Variants in IL1RAPL1 observed in about 807,000 individuals in gnomAD.
IL1RAPL1 encodes interleukin-1 receptor accessory protein-like 1.
Under a neutral mutation model 48.4 loss-of-function variants are expected in IL1RAPL1, and 3 were observed. The observed-to-expected ratio is 0.06, with a 90% CI of 0.03 to 0.16. The LOEUF is 0.16. Ranked by LOEUF, IL1RAPL1 falls within the 10% of genes least tolerant of loss-of-function variation. The pLI, the probability that IL1RAPL1 is intolerant of heterozygous loss-of-function variation, is 1.00. For synonymous variants in IL1RAPL1, 185 were observed against 187.7 expected (o/e 0.99, Z 0.12); for missense variants, 349 against 530.6 (o/e 0.66, Z 3.36).
intron 6 of IL1RAPL1, among the ~76,000 whole-genome samples, chrX:29,753,178 A>G (rs1395773116): frequency 8.9e-6 from 1 of 112,336 alleles, no homozygotes; most frequent in South Asian, 3.7e-4. Context: ...TAATTTAATT[A>G]TATCAGTCAA....
At chrX:29,067,049 T>A (rs1234065697) in intron 2 of IL1RAPL1, among the ~76,000 whole-genome samples, 2 of 111,733 alleles carry the variant, frequency 1.8e-5, no homozygotes, top group Non-Finnish European at 1.9e-5. Context: ...CTTCATTTGC[T>A]GCTTGCCCTT....
chrX:28,822,790 G>A (rs1936950822), intron 2 of IL1RAPL1, among the ~76,000 whole-genome samples: 2 of 111,972 alleles, frequency 1.8e-5, no homozygotes, highest in African/African-American at 3.2e-5. Flanking sequence ...AGGGATGGAA[G>A]GGGTGTACCC....
At chrX:28,742,205 A>G (rs952175089) in intron 1 of IL1RAPL1, among the ~76,000 whole-genome samples, 4 of 111,346 alleles carry the variant, frequency 3.6e-5, no homozygotes, top group African/African-American at 1.3e-4. Flanking sequence ...ACTAAGATTT[A>G]TGGACCAAAC....
chrX:29,271,948 G>A (rs1357835337), intron 2 of IL1RAPL1, among the ~76,000 whole-genome samples: 1 of 111,362 alleles, frequency 9.0e-6, no homozygotes, highest in Non-Finnish European at 1.9e-5. Context: ...TGTTGCATTT[G>A]CTTTTGGTGT....
intron 2 of IL1RAPL1, among the ~76,000 whole-genome samples, chrX:29,095,655 AAATCAGCT>A (rs1180065083): frequency 8.9e-6 from 1 of 111,848 alleles, no homozygotes; most frequent in East Asian, 2.8e-4. Context: ...GGGTAGAAAT[AAATCAGCT>A]ATCACTTATG....
chrX:29,047,727 C>CT (rs1285042635), intron 2 of IL1RAPL1, among the ~76,000 whole-genome samples: 1 of 56,958 alleles, frequency 1.8e-5, no homozygotes, highest in African/African-American at 1.4e-4. Context: ...ATAAATTCAA[C>CT]CTTTTTTTTT....
intron 2 of IL1RAPL1, among the ~76,000 whole-genome samples, chrX:28,968,673 T>C (rs998840226): frequency 1.4e-4 from 16 of 112,665 alleles, no homozygotes; most frequent in African/African-American, 5.2e-4. Flanking sequence ...ATAATAAATA[T>C]GGAAGCAATG....
intron 3 of IL1RAPL1, among the ~76,000 whole-genome samples, chrX:29,379,988 C>T (rs1012072545): frequency 5.4e-5 from 6 of 110,909 alleles, no homozygotes; most frequent in African/African-American, 2.0e-4. Context: ...TTTTTAGCTT[C>T]CACATACATG....
Position 28,873,687 on chromosome X carries a change from A to G in IL1RAPL1, c.82+84262A>G, listed in dbSNP as rs758276863. Among the ~76,000 whole-genome samples, 40 of 106,910 alleles carry G rather than the reference A, an allele frequency of 3.7e-4. No homozygotes were observed. In the East Asian group the frequency reaches 8.6e-3, roughly 23 times the overall value. The allele number at this position is 106,910 out of a possible 115,157, so 92.8% of individuals were successfully genotyped here. A position where few individuals can be genotyped will look rare whatever the true frequency, so the allele number is the denominator to read the frequency against. ...GCTGGGACTACAGGAGCCCGCCACC[A>G]CAGCCGGCTAATTTTTTGTATTTTT... On this transcript the variant is annotated intron_variant, in intron 2 of 10. Coordinates refer to ENST00000378993, the MANE Select transcript of IL1RAPL1 (RefSeq NM_014271.4).
chrX:29,249,277 G>A (rs1341257318), intron 2 of IL1RAPL1, among the ~76,000 whole-genome samples: 1 of 111,641 alleles, frequency 9.0e-6, no homozygotes, highest in Non-Finnish European at 1.9e-5. Flanking sequence ...AAACTAAAGG[G>A]ATTAGAGGAA....
chrX:28,874,306 A>G (rs1306091290), intron 2 of IL1RAPL1, among the ~76,000 whole-genome samples: 1 of 112,406 alleles, frequency 8.9e-6, no homozygotes, highest in African/African-American at 3.2e-5. Context: ...ATAGCATAGC[A>G]TTAAGCCTGA....
At chrX:29,235,792 G>A (rs1167262551) in intron 2 of IL1RAPL1, among the ~76,000 whole-genome samples, 3 of 112,229 alleles carry the variant, frequency 2.7e-5, no homozygotes, top group Non-Finnish European at 5.6e-5. Context: ...AAATGCTATA[G>A]CATAAGGAAG....
intron 3 of IL1RAPL1, among the ~76,000 whole-genome samples, chrX:29,321,365 T>C (rs932580167): frequency 3.6e-5 from 4 of 112,098 alleles, no homozygotes; most frequent in African/African-American, 1.3e-4. Flanking sequence ...TAGGAGCTCA[T>C]TTCTAGCTAA....
chrX:29,729,295 G>A (rs935505704), intron 6 of IL1RAPL1, among the ~76,000 whole-genome samples: 2 of 110,907 alleles, frequency 1.8e-5, no homozygotes, highest in African/African-American at 3.3e-5. Flanking sequence ...ATGCCACCCC[G>A]ACCTGGTGGC....
chrX:29,052,206 C>T, intron 2 of IL1RAPL1, among the ~76,000 whole-genome samples: 1 of 111,461 alleles, frequency 9.0e-6, no homozygotes, highest in Middle Eastern at 4.7e-3. Flanking sequence ...TCTGTTAAAC[C>T]TGCTTTTCTT....
At chrX:29,652,314 C>T (rs1460004918) in intron 5 of IL1RAPL1, among the ~76,000 whole-genome samples, 1 of 111,527 alleles carries the variant, frequency 9.0e-6, no homozygotes, top group East Asian at 2.8e-4. Flanking sequence ...CTCTTAAAGG[C>T]GGGACAGAGG....
intron 1 of IL1RAPL1, among the ~76,000 whole-genome samples, chrX:28,633,758 A>G (rs1372585328): frequency 1.8e-5 from 2 of 112,269 alleles, no homozygotes; most frequent in Non-Finnish European, 3.8e-5. Context: ...GTTGGGAGCC[A>G]ACTGTATTGA....
chrX:29,155,549 A>C (rs1444168152), intron 2 of IL1RAPL1, among the ~76,000 whole-genome samples: 2 of 112,021 alleles, frequency 1.8e-5, no homozygotes, highest in Non-Finnish European at 3.8e-5. Flanking sequence ...ATTCAACAAT[A>C]TATCCACCAA....
chrX:29,012,323 G>T (rs1000519389), intron 2 of IL1RAPL1, among the ~76,000 whole-genome samples: 2 of 111,491 alleles, frequency 1.8e-5, no homozygotes, highest in Non-Finnish European at 3.8e-5. Context: ...CGGGTAGATC[G>T]CCTGAGGTCA....
Sources: allele counts gnomAD v4.1 joint callset (sites outside exome capture counted in the v4.1 genomes callset), GRCh38; gene constraint gnomAD v4.1.1; transcripts MANE v1.5; gene names NCBI Gene and HGNC (gene_info 2026-07-23, HGNC 2026-07-21).